Variants in GLIS3 observed in about 807,000 individuals in gnomAD.
GLIS3 encodes the protein GLIS family zinc finger 3, also known as zinc finger protein GLIS3.
A neutral mutation model predicts 78.6 loss-of-function variants in GLIS3; 53 were observed. That is an observed-to-expected ratio of 0.67 (90% confidence interval 0.54 to 0.85). The LOEUF is 0.85. Among genes scored for constraint, GLIS3 ranks in the 40% least tolerant of loss-of-function variants. The pLI, the probability that GLIS3 is intolerant of heterozygous loss-of-function variation, is 0.00. For missense variants in GLIS3, 1,703 were observed against 1,231.1 expected, an observed-to-expected ratio of 1.38 and a Z score of -5.74; for synonymous variants, 684 against 509.9, an observed-to-expected ratio of 1.34 and a Z score of -4.60.
intron 2 of GLIS3, among the ~76,000 whole-genome samples, chr9:4,170,871 G>A (rs1816316478): frequency 6.6e-6 from 1 of 152,106 alleles, no homozygotes; most frequent in Non-Finnish European, 1.5e-5. Flanking sequence ...TCTCATAACT[G>A]GGGATCCTAC....
chr9:4,136,669 A>G (rs1299691788), intron 2 of GLIS3, among the ~76,000 whole-genome samples: 1 of 152,176 alleles, frequency 6.6e-6, no homozygotes, highest in Non-Finnish European at 1.5e-5. Flanking sequence ...AATGAGAAGG[A>G]AGTAGTAGGG....
At chr9:3,965,334 C>T (rs1817864034) in intron 4 of GLIS3, among the ~76,000 whole-genome samples, 1 of 151,720 alleles carries the variant, frequency 6.6e-6, no homozygotes, top group Admixed American at 6.6e-5. Flanking sequence ...GCTGGGACTA[C>T]AGGCGCGAGC....
intron 9 of GLIS3, among the ~76,000 whole-genome samples, chr9:3,834,368 GA>G (rs1454131013): frequency 6.6e-6 from 1 of 152,192 alleles, no homozygotes; most frequent in Non-Finnish European, 1.5e-5. Flanking sequence ...AACTTTCCAT[GA>G]TGATGAAAAT....
chr9:3,965,242 G>A (rs2028797), intron 4 of GLIS3, among the ~76,000 whole-genome samples: 2,096 of 132,536 alleles, frequency 0.016, 27 homozygotes, highest in Middle Eastern at 0.037. Context: ...TGCCCAGGCT[G>A]GAGTGCAGTG....
chr9:3,943,717 G>A (rs1000363280), intron 4 of GLIS3, among the ~76,000 whole-genome samples: 1 of 152,196 alleles, frequency 6.6e-6, no homozygotes, highest in African/African-American at 2.4e-5. Context: ...TTTAGCTGGG[G>A]CAGTAGGAGG....
intron 9 of GLIS3, among the ~76,000 whole-genome samples, chr9:3,849,174 T>G (rs1819251279): frequency 6.6e-6 from 1 of 152,080 alleles, no homozygotes; most frequent in African/African-American, 2.4e-5. Context: ...TACGGAAACC[T>G]AAGAGAATGG....
At chr9:4,031,242 C>T (rs1009195780) in intron 4 of GLIS3, among the ~76,000 whole-genome samples, 1 of 152,034 alleles carries the variant, frequency 6.6e-6, no homozygotes, top group Admixed American at 6.6e-5. Context: ...AAATTTCCAT[C>T]AACAGATGAA....
chr9:4,365,760 T>C, the GLIS3 span, among the ~76,000 whole-genome samples: 1 of 152,168 alleles, frequency 6.6e-6, no homozygotes, highest in African/African-American at 2.4e-5. Context: ...TGCCAAAGTA[T>C]TTCTTTTACA....
At chr9:4,482,476 C>T in the GLIS3 span, among the ~76,000 whole-genome samples, 1 of 152,152 alleles carries the variant, frequency 6.6e-6, no homozygotes, top group Middle Eastern at 3.2e-3. Flanking sequence ...CATCTTTCTC[C>T]CCACCCATGG....
At chr9:4,196,843 C>G (rs771399976) in intron 2 of GLIS3, among the ~76,000 whole-genome samples, 3 of 152,220 alleles carry the variant, frequency 2.0e-5, no homozygotes, top group Non-Finnish European at 4.4e-5. Flanking sequence ...GCAACCAAGT[C>G]CAGCTTGGCA....
At position 3,922,337 on chromosome 9, in the gene GLIS3, C is replaced by G. The variant is rs528480782; in HGVS notation, c.1983+10023G>C. 7.2e-5 allele frequency among the ~76,000 whole-genome samples: 11 copies of G among 152,222 alleles called. No homozygotes were observed. The South Asian group carries it at 2.3e-3, about 32-fold the overall frequency. On this transcript the variant is annotated intron_variant, in intron 6 of 10. Coordinates refer to ENST00000381971, the MANE Select transcript of GLIS3 (RefSeq NM_001042413.2). ...AGGAAAAAATATATAGAAAGATAGG[C>G]ACCAAAGTTAAGCCACTGTGATTCA...
chr9:4,421,543 G>A, the GLIS3 span, among the ~76,000 whole-genome samples: 2 of 152,206 alleles, frequency 1.3e-5, no homozygotes, highest in Non-Finnish European at 1.5e-5. Flanking sequence ...TTCAGTGTTA[G>A]TTGTGGGTGA....
chr9:3,926,756 G>A (rs1399817384), intron 6 of GLIS3, among the ~76,000 whole-genome samples: 1 of 152,052 alleles, frequency 6.6e-6, no homozygotes, highest in Non-Finnish European at 1.5e-5. Flanking sequence ...CCAAGTAGCT[G>A]GGATTACAGG....
intron 4 of GLIS3, among the ~76,000 whole-genome samples, chr9:4,014,723 C>T (rs1822296990): frequency 6.6e-6 from 1 of 152,182 alleles, no homozygotes; most frequent in African/African-American, 2.4e-5. Flanking sequence ...ATTTGGGGTA[C>T]TTTGTTAGGG....
intron 2 of GLIS3, among the ~76,000 whole-genome samples, chr9:4,321,632 T>G (rs1225573912): frequency 8.5e-6 from 1 of 117,898 alleles, no homozygotes; most frequent in East Asian, 2.9e-4. Context: ...CTTACATGTC[T>G]CTTTGTGAAC....
chr9:4,036,255 A>T (rs1206995225), intron 4 of GLIS3, among the ~76,000 whole-genome samples: 1 of 152,146 alleles, frequency 6.6e-6, no homozygotes, highest in Non-Finnish European at 1.5e-5. Flanking sequence ...CTGGCTAAGA[A>T]CACAGAAATC....
intron 2 of GLIS3, among the ~76,000 whole-genome samples, chr9:4,320,698 C>A (rs750817968): frequency 6.6e-6 from 1 of 152,070 alleles, no homozygotes; most frequent in Non-Finnish European, 1.5e-5. Context: ...CACATCACCA[C>A]TACTACTATC....
chr9:4,166,861 C>G (rs756515229), intron 2 of GLIS3, among the ~76,000 whole-genome samples: 1 of 152,216 alleles, frequency 6.6e-6, no homozygotes, highest in Non-Finnish European at 1.5e-5. Context: ...AGTCTTCCTC[C>G]TCTTTCCTCT....
At chr9:3,903,261 A>G (rs185808383) in intron 6 of GLIS3, among the ~76,000 whole-genome samples, 2 of 152,304 alleles carry the variant, frequency 1.3e-5, no homozygotes, top group East Asian at 3.9e-4. Flanking sequence ...CTCATTTCTT[A>G]AAAACAACTT....
Sources: gnomAD v4.1 joint callset for allele counts (sites outside exome capture counted in the v4.1 genomes callset) on GRCh38, gnomAD v4.1.1 for gene constraint, MANE v1.5 for transcripts, NCBI Gene and HGNC (gene_info 2026-07-23, HGNC 2026-07-21) for gene names.